TENM1: variants seen among roughly 807,000 people sequenced by gnomAD.
TENM1 encodes teneurin transmembrane protein 1.
A neutral mutation model predicts 174.8 loss-of-function variants in TENM1; 35 were observed. The ratio of observed to expected loss-of-function variants is 0.20; its 90% confidence interval spans 0.15 to 0.27. TENM1 has a LOEUF of 0.27. Ranked by LOEUF, TENM1 falls within the 10% of genes least tolerant of loss-of-function variation. TENM1 has a pLI of 1.00. For synonymous variants in TENM1, 781 were observed against 798.7 expected, an observed-to-expected ratio of 0.98 and a Z score of 0.37; for missense variants, 1,633 against 2,130.1, an observed-to-expected ratio of 0.77 and a Z score of 4.59.
exon 29 of TENM1, chrX:124,385,725 G>A (rs1213068051): frequency 5.0e-6 from 6 of 1,207,622 alleles, no homozygotes; most frequent in Middle Eastern, 2.3e-4. Context: ...TGCATCAGGT[G>A]TATTGTCTTA....
chrX:125,068,858 T>C, the TENM1 span, among the ~76,000 whole-genome samples: 29 of 112,053 alleles, frequency 2.6e-4, no homozygotes, highest in African/African-American at 8.1e-4. Flanking sequence ...ACAAAATAAA[T>C]GATTTGTTAA....
intron 3 of TENM1, among the ~76,000 whole-genome samples, chrX:124,846,620 C>G (rs1247554792): frequency 9.0e-6 from 1 of 111,293 alleles, no homozygotes; most frequent in Non-Finnish European, 1.9e-5. Flanking sequence ...CTTTCACAAG[C>G]AAAATTAACA....
chrX:124,872,584 G>C (rs182349277), intron 3 of TENM1, among the ~76,000 whole-genome samples: 1 of 112,244 alleles, frequency 8.9e-6, no homozygotes, highest in African/African-American at 3.2e-5. Flanking sequence ...ATAGTCATTT[G>C]TTCAGGGAAA....
rs185165914 is a variant in TENM1, at chrX:124,558,502, T to A, written c.2434+3169A>T. 3.1e-3 allele frequency among the ~76,000 whole-genome samples: 342 copies of A among 111,372 alleles called. 2 individuals carry two copies. Among genetic ancestry groups the A allele is most frequent in the African/African-American group, 0.011 (327 of 30,749 alleles). On this transcript the variant is annotated intron_variant, in intron 14 of 31. Coordinates refer to ENST00000422452, the Ensembl canonical transcript of TENM1. ...TTCTAATGTAATTAAAACACACACA[T>A]ATACACACATGCACAAACAAGTAGA...
the TENM1 span, among the ~76,000 whole-genome samples, chrX:125,155,572 G>T: frequency 2.7e-5 from 3 of 111,458 alleles, no homozygotes; most frequent in East Asian, 5.7e-4. Flanking sequence ...GAGGCGGGCG[G>T]GGGGAGGGAG....
the TENM1 span, among the ~76,000 whole-genome samples, chrX:125,148,697 C>T: frequency 8.9e-6 from 1 of 111,837 alleles, no homozygotes; most frequent in Non-Finnish European, 1.9e-5. Flanking sequence ...GTTCCTCCTT[C>T]TCCTGTGTTC....
chrX:124,962,852 C>CA (rs962250173), intron 1 of TENM1, among the ~76,000 whole-genome samples: 4 of 110,607 alleles, frequency 3.6e-5, no homozygotes, highest in African/African-American at 1.3e-4. Context: ...CAAAACAAAA[C>CA]AAAAAAACAA....
At chrX:124,890,033 GGTGCTTAATAAA>G (rs1430957898) in intron 3 of TENM1, among the ~76,000 whole-genome samples, 2 of 111,389 alleles carry the variant, frequency 1.8e-5, no homozygotes, top group South Asian at 7.6e-4. Context: ...GCAAAGAGAA[GGTGCTTAATAAA>G]TATTTCTTGA....
At chrX:124,628,823 C>T (rs998846675) in intron 11 of TENM1, among the ~76,000 whole-genome samples, 1 of 111,620 alleles carries the variant, frequency 9.0e-6, no homozygotes, top group Admixed American at 9.5e-5. Flanking sequence ...ACTAAGTTAT[C>T]GATCAATAAA....
At chrX:124,838,246 T>C (rs2056430425) in intron 3 of TENM1, among the ~76,000 whole-genome samples, 1 of 112,449 alleles carries the variant, frequency 8.9e-6, no homozygotes, top group Non-Finnish European at 1.9e-5. Context: ...TGCAGTGATA[T>C]TTTTAGAATT....
At chrX:124,997,939 A>G in the TENM1 span, among the ~76,000 whole-genome samples, 1 of 110,300 alleles carries the variant, frequency 9.1e-6, no homozygotes, top group Non-Finnish European at 1.9e-5. Flanking sequence ...CCTATATAGA[A>G]GGTCAAGGCA....
chrX:124,430,426 AC>A (rs1392155176), intron 23 of TENM1, among the ~76,000 whole-genome samples: 1 of 112,215 alleles, frequency 8.9e-6, no homozygotes, highest in Non-Finnish European at 1.9e-5. Flanking sequence ...GAATCAGTTA[AC>A]CTATCTGAGC....
chrX:125,184,710 C>A, the TENM1 span, among the ~76,000 whole-genome samples: 3 of 111,517 alleles, frequency 2.7e-5, no homozygotes, highest in Non-Finnish European at 5.7e-5. Context: ...AGACTTACCA[C>A]AAATTCAGAT....
At chrX:124,567,536 C>T (rs146129297) in intron 11 of TENM1, among the ~76,000 whole-genome samples, 3,381 of 111,609 alleles carry the variant, frequency 0.03, 151 homozygotes, top group African/African-American at 0.1. Flanking sequence ...TCGTTGATGA[C>T]TTTAGGAAGA....
chrX:124,697,427 T>C (rs776234311), intron 5 of TENM1, among the ~76,000 whole-genome samples: 123 of 111,034 alleles, frequency 1.1e-3, no homozygotes, highest in Middle Eastern at 9.3e-3. Flanking sequence ...TACAAACTAG[T>C]GCTATTATTT....
At chrX:125,067,086 T>C in the TENM1 span, among the ~76,000 whole-genome samples, 1 of 110,651 alleles carries the variant, frequency 9.0e-6, no homozygotes, top group East Asian at 2.9e-4. Flanking sequence ...TTCCCCTGAG[T>C]GATTTGCAAA....
chrX:124,474,207 G>A (rs765996247), intron 22 of TENM1, among the ~76,000 whole-genome samples: 90 of 111,574 alleles, frequency 8.1e-4, no homozygotes, highest in African/African-American at 2.8e-3. Context: ...ATACTGTTAT[G>A]TAATACAGTA....
At chrX:124,609,037 G>C (rs1246993758) in intron 11 of TENM1, among the ~76,000 whole-genome samples, 1 of 111,008 alleles carries the variant, frequency 9.0e-6, no homozygotes, top group African/African-American at 3.3e-5. Context: ...TCTGGAAATT[G>C]ATACCACTGA....
Position 124,641,999 on chromosome X carries a change from C to A in TENM1, c.1877-8G>T. On this transcript the variant is annotated splice_region_variant and splice_polypyrimidine_tract_variant and intron_variant, in intron 10 of 31. Transcript: ENST00000422452. ...TTGGGTCTAGGCAGTCCTCTGAAGG[C>A]ACAAAAAAGTGGGGGGGAGGGGTGA... 3 of 1,196,550 alleles carry A rather than the reference C, an allele frequency of 2.5e-6. No homozygotes were observed. The highest frequency in any genetic ancestry group is 3.4e-6 in the Non-Finnish European group (3 of 883,710).
Sources: gnomAD v4.1 joint callset for allele counts (sites outside exome capture counted in the v4.1 genomes callset) on GRCh38, gnomAD v4.1.1 for gene constraint, MANE v1.5 for transcripts, NCBI Gene and HGNC (gene_info 2026-07-23, HGNC 2026-07-21) for gene names.